The following CDKL5 variants were observed in gnomAD, a reference collection of about 807,000 sequenced individuals.
CDKL5 encodes the protein cyclin dependent kinase like 5.
Under a neutral mutation model 61.7 loss-of-function variants are expected in CDKL5, and 8 were observed. The ratio of observed to expected loss-of-function variants is 0.13; its 90% CI spans 0.08 to 0.23. CDKL5 has a LOEUF of 0.23. Among genes scored for constraint, CDKL5 ranks in the 10% least tolerant of loss-of-function variants. The pLI is 1.00. For missense variants in CDKL5, 440 were observed against 734.5 expected (o/e 0.60, Z 4.63); for synonymous variants, 275 against 272.3 (o/e 1.01, Z -0.10).
At chrX:18,449,292 C>T (rs776759642) in intron 1 of CDKL5, among the ~76,000 whole-genome samples, 59 of 112,287 alleles carry the variant, frequency 5.3e-4, no homozygotes, top group African/African-American at 1.7e-3. Flanking sequence ...ATTTCTTTCG[C>T]TTATTTCACT....
At chrX:18,520,841 A>G (rs1167436662) in intron 3 of CDKL5, among the ~76,000 whole-genome samples, 1 of 111,533 alleles carries the variant, frequency 9.0e-6, no homozygotes, top group Non-Finnish European at 1.9e-5. Flanking sequence ...GGTTCGAGTG[A>G]TTCTTGTGCC....
At chrX:18,646,154 T>A in intron 20 of CDKL5, 1 of 1,200,791 alleles carries the variant, frequency 8.3e-7, no homozygotes, top group Non-Finnish European at 1.1e-6. Flanking sequence ...GAATGAAACT[T>A]TTTTTTTTCC....
chrX:18,481,648 C>G (rs1397149560), intron 1 of CDKL5, among the ~76,000 whole-genome samples: 9 of 108,829 alleles, frequency 8.3e-5, no homozygotes, highest in Non-Finnish European at 9.5e-5. Flanking sequence ...AGACATGAGC[C>G]ACTGTGCCCG....
At chrX:18,572,709 G>A (rs936773280) in intron 4 of CDKL5, among the ~76,000 whole-genome samples, 1 of 111,947 alleles carries the variant, frequency 8.9e-6, no homozygotes, top group African/African-American at 3.2e-5. Flanking sequence ...GAAGAGTTAC[G>A]CATGTATGGG....
At chrX:18,599,952 C>A (rs1241148461) in intron 11 of CDKL5, among the ~76,000 whole-genome samples, 1 of 111,539 alleles carries the variant, frequency 9.0e-6, no homozygotes, top group African/African-American at 3.3e-5. Flanking sequence ...CCCACCTTAG[C>A]CTCCTGAGTA....
intron 3 of CDKL5, among the ~76,000 whole-genome samples, chrX:18,551,102 G>A (rs1470402964): frequency 8.9e-6 from 1 of 111,852 alleles, no homozygotes; most frequent in East Asian, 2.8e-4. Context: ...AGGGATTAAG[G>A]AAAATTGTTC....
At chrX:18,565,258 T>G (rs1414535961) in intron 4 of CDKL5, among the ~76,000 whole-genome samples, 1 of 112,007 alleles carries the variant, frequency 8.9e-6, no homozygotes, top group African/African-American at 3.2e-5. Flanking sequence ...TTTTTCAGAC[T>G]TTTTGGACTG....
chrX:18,525,662 A>G (rs1036526972), intron 3 of CDKL5, among the ~76,000 whole-genome samples: 2 of 110,340 alleles, frequency 1.8e-5, no homozygotes, highest in African/African-American at 6.6e-5. Flanking sequence ...TATTCACAGA[A>G]TAGCTTCTGG....
chrX:18,456,056 T>C (rs1467391310), intron 1 of CDKL5, among the ~76,000 whole-genome samples: 4 of 110,058 alleles, frequency 3.6e-5, no homozygotes, highest in African/African-American at 9.9e-5. Context: ...TTCTTTCTTT[T>C]TTTTTTTTTG....
chrX:18,641,991 G>A (rs199949646), downstream of CDKL5: 457 of 1,209,049 alleles, frequency 3.8e-4, 1 homozygote, highest in African/African-American at 3.2e-3. Flanking sequence ...CAGGCGCCGA[G>A]CTGAGGCAGG....
chrX:18,429,509 A>G (rs1196698616), intron 1 of CDKL5, among the ~76,000 whole-genome samples: 1 of 112,396 alleles, frequency 8.9e-6, no homozygotes, highest in East Asian at 2.8e-4. Flanking sequence ...GCTCAGAGAA[A>G]TAAAGTACTT....
At chrX:18,599,619 A>G (rs1926115915) in intron 11 of CDKL5, among the ~76,000 whole-genome samples, 1 of 109,680 alleles carries the variant, frequency 9.1e-6, no homozygotes, top group Admixed American at 9.7e-5. Context: ...ATGCCTGGCT[A>G]ATTTTTTAAA....
At chrX:18,510,963 A>ATAAGG in intron 3 of CDKL5, 109 bp downstream of exon 3, 3 of 584,672 alleles carry the variant, frequency 5.1e-6, no homozygotes, top group Non-Finnish European at 8.3e-6. Flanking sequence ...TCCTTATCTG[A>ATAAGG]AATGCTTGAG....
chrX:18,625,431 G>GA (rs1569224685), intron 17 of CDKL5, among the ~76,000 whole-genome samples, 184 bp downstream of exon 17: 1 of 111,256 alleles, frequency 9.0e-6, no homozygotes, highest in Non-Finnish European at 1.9e-5. Context: ...TTGCTTCAGT[G>GA]ACCCATGTTC....
At chrX:18,650,455 G>A in exon 21 of CDKL5, 1 of 1,211,882 alleles carries the variant, frequency 8.3e-7, no homozygotes, top group African/African-American at 1.7e-5. Flanking sequence ...CACACTCCGT[G>A]CGTCCCAAAC....
intron 1 of CDKL5, among the ~76,000 whole-genome samples, chrX:18,492,773 C>T (rs142122668): frequency 1.8e-5 from 2 of 112,187 alleles, no homozygotes; most frequent in East Asian, 2.8e-4. Flanking sequence ...AGCTGTTCTA[C>T]CCCAAAACTG....
chrX:18,598,650 T>C (rs372249142), intron 11 of CDKL5, 37 bp downstream of exon 11: 2 of 1,167,552 alleles, frequency 1.7e-6, no homozygotes, highest in Non-Finnish European at 2.3e-6. Flanking sequence ...AGATGCAGTG[T>C]TGGTCTTACA....
chrX:18,515,001 G>A (rs1007875762), intron 3 of CDKL5, among the ~76,000 whole-genome samples: 11 of 110,966 alleles, frequency 9.9e-5, no homozygotes, highest in African/African-American at 3.3e-4. Context: ...GCTTCATTAC[G>A]TTGGCCAGGC....
chrX:18,566,516 A>G (rs1377587600), intron 4 of CDKL5, among the ~76,000 whole-genome samples: 1 of 111,914 alleles, frequency 8.9e-6, no homozygotes, highest in African/African-American at 3.3e-5. Context: ...GTGCATACCA[A>G]TTCTTAGCTT....
Sources: gnomAD v4.1 joint callset for allele counts (sites outside exome capture counted in the v4.1 genomes callset) on GRCh38, gnomAD v4.1.1 for gene constraint, MANE v1.5 for transcripts, NCBI Gene and HGNC (gene_info 2026-07-23, HGNC 2026-07-21) for gene names.